The following FRMD5 variants were observed in gnomAD, a reference collection of about 807,000 sequenced individuals.
FRMD5 encodes the protein FERM domain containing 5, also known as FERM domain-containing protein 5.
Under a neutral mutation model 69.0 loss-of-function variants are expected in FRMD5, and 20 were observed. That is an observed-to-expected ratio of 0.29 (90% CI 0.20 to 0.42). FRMD5 has a LOEUF of 0.42. Among genes scored for constraint, FRMD5 ranks in the 10% least tolerant of loss-of-function variants. FRMD5 has a pLI of 1.00. For missense variants in FRMD5, 595 were observed against 708.6 expected, an observed-to-expected ratio of 0.84 and a Z score of 1.82; for synonymous variants, 271 against 260.1, an observed-to-expected ratio of 1.04 and a Z score of -0.40.
At chr15:43,997,706 C>T (rs1890000039) in intron 1 of FRMD5, among the ~76,000 whole-genome samples, 1 of 152,088 alleles carries the variant, frequency 6.6e-6, no homozygotes, top group Admixed American at 6.6e-5. Flanking sequence ...ATAATCTAGA[C>T]AATGCTTGCA....
At chr15:44,095,761 A>C (rs2076542715) in intron 1 of FRMD5, among the ~76,000 whole-genome samples, 1 of 152,176 alleles carries the variant, frequency 6.6e-6, no homozygotes, top group Non-Finnish European at 1.5e-5. Flanking sequence ...ACTAAGATAA[A>C]GGAACTGCTC....
At position 44,033,492 on chromosome 15, in the gene FRMD5, T is replaced by C. The variant is rs559622688; in HGVS notation, c.103-109183A>G. 2.6e-5 allele frequency among the ~76,000 whole-genome samples: 4 copies of C among 152,344 alleles called. No homozygotes were observed. The South Asian group carries it at 8.3e-4, about 32-fold the overall frequency. On this transcript the variant is annotated intron_variant, in intron 1 of 13. Transcript: ENST00000417257. ...AAATAATAGTTTTTGTTCAAGTCTCTTTTTTGATATAGCATAAATGAACTT... is the reference window on the plus strand; with the variant it reads ...AAATAATAGTTTTTGTTCAAGTCTCCTTTTTGATATAGCATAAATGAACTT...
chr15:44,194,471 A>G (rs2078249678), intron 1 of FRMD5: 1 of 214,730 alleles, frequency 4.7e-6, no homozygotes, highest in African/African-American at 2.4e-5. Flanking sequence ...CTGACTCACA[A>G]ATGGTGGGGG....
At chr15:44,002,761 G>C (rs1001451495) in intron 1 of FRMD5, among the ~76,000 whole-genome samples, 2 of 152,112 alleles carry the variant, frequency 1.3e-5, no homozygotes, top group African/African-American at 4.8e-5. Flanking sequence ...CCCAGGGTGC[G>C]GCGCGGGGCT....
At chr15:43,896,765 G>A (rs1284108694) in intron 7 of FRMD5, among the ~76,000 whole-genome samples, 1 of 152,188 alleles carries the variant, frequency 6.6e-6, no homozygotes, top group African/African-American at 2.4e-5. Flanking sequence ...GGGTCATACT[G>A]TGCCCTCTCT....
intron 1 of FRMD5, among the ~76,000 whole-genome samples, chr15:43,927,612 T>C (rs1278449538): frequency 6.6e-6 from 1 of 152,232 alleles, no homozygotes; most frequent in Non-Finnish European, 1.5e-5. Flanking sequence ...TATCCTATAC[T>C]ATTATCTCTC....
chr15:44,049,982 G>A (rs1303888554), intron 1 of FRMD5, among the ~76,000 whole-genome samples: 1 of 151,928 alleles, frequency 6.6e-6, no homozygotes, highest in East Asian at 1.9e-4. Context: ...TAATCTTCTT[G>A]TGGGCAGGAT....
At chr15:44,190,989 G>C (rs758504935) in intron 1 of FRMD5, among the ~76,000 whole-genome samples, 10 of 152,282 alleles carry the variant, frequency 6.6e-5, no homozygotes, top group Non-Finnish European at 1.2e-4. Flanking sequence ...CAGCTACTAA[G>C]TGGTTGAGCC....
intron 1 of FRMD5, among the ~76,000 whole-genome samples, chr15:44,132,000 CAGTAGG>C (rs2077106582): frequency 6.6e-6 from 1 of 152,044 alleles, no homozygotes; most frequent in Admixed American, 6.6e-5. Context: ...TATGTAGAAG[CAGTAGG>C]AGCCCTGAGG....
At chr15:44,133,473 G>A (rs1236366605) in intron 1 of FRMD5, among the ~76,000 whole-genome samples, 1 of 148,444 alleles carries the variant, frequency 6.7e-6, no homozygotes, top group East Asian at 2.1e-4. Flanking sequence ...CTACTTGGGA[G>A]GCTGAGGCAG....
intron 1 of FRMD5, among the ~76,000 whole-genome samples, chr15:44,172,350 G>A (rs1164348627): frequency 6.7e-6 from 1 of 150,110 alleles, no homozygotes; most frequent in African/African-American, 2.5e-5. Flanking sequence ...CTGGACTCAA[G>A]CCATCCTCCT....
intron 1 of FRMD5, among the ~76,000 whole-genome samples, chr15:43,955,482 A>G (rs1462521302): frequency 6.6e-6 from 1 of 152,234 alleles, no homozygotes; most frequent in Non-Finnish European, 1.5e-5. Context: ...AGTTATCACA[A>G]GGGATTTCTT....
Position 43,908,951 on chromosome 15 carries a change from C to A in FRMD5, c.427+931G>T, listed in dbSNP as rs534715024. 3.3e-5 allele frequency among the ~76,000 whole-genome samples: 5 copies of A among 152,298 alleles called. 1 individual carries two copies. The South Asian group carries it at 6.2e-4, about 19-fold the overall frequency. ...GGGGAAAAAATCAAGTCTGATTACA[C>A]TCCAGAGTCTCAGGGACTTTATCAA... On this transcript the variant is annotated intron_variant, in intron 5 of 13. Transcript: ENST00000417257.
At chr15:44,193,694 G>T (rs1042477323) in intron 1 of FRMD5, among the ~76,000 whole-genome samples, 13 of 152,202 alleles carry the variant, frequency 8.5e-5, no homozygotes, top group African/African-American at 3.1e-4. Context: ...TCGAGGGGAG[G>T]GAGAAAAGGG....
At chr15:43,955,057 G>C (rs1301655760) in intron 1 of FRMD5, among the ~76,000 whole-genome samples, 1 of 152,196 alleles carries the variant, frequency 6.6e-6, no homozygotes, top group East Asian at 1.9e-4. Context: ...GTTTATGTGA[G>C]TAAATTTATT....
At chr15:43,926,542 C>T (rs2089589126) in intron 1 of FRMD5, among the ~76,000 whole-genome samples, 1 of 152,158 alleles carries the variant, frequency 6.6e-6, no homozygotes, top group African/African-American at 2.4e-5. Flanking sequence ...GTTTACACCT[C>T]ACCTCTTCCC....
In FRMD5 at chr15:43,912,538, C is replaced by T. The variant is rs540427256; in HGVS notation, c.330-2559G>A. ...TCCCTGGGCCTGGATTCACGCATCACGTCTTCCATGTTTCTCTGCTTGTCT... is the reference window on the plus strand; with the variant it reads ...TCCCTGGGCCTGGATTCACGCATCATGTCTTCCATGTTTCTCTGCTTGTCT... On this transcript the variant is annotated intron_variant, in intron 4 of 13. Coordinates refer to ENST00000417257, the MANE Select transcript of FRMD5 (RefSeq NM_032892.5). Among the ~76,000 whole-genome samples the T allele has an allele frequency of 3.4e-4, 52 of 152,054 alleles. 1 individual carries two copies. Among genetic ancestry groups the T allele is most frequent in the South Asian group, 3.1e-3 (15 of 4,814 alleles).
chr15:44,063,638 TG>T, intron 1 of FRMD5: 1 of 484,588 alleles, frequency 2.1e-6, no homozygotes, highest in Non-Finnish European at 4.0e-6. Flanking sequence ...CTCAACTACA[TG>T]GTCTACATGT....
chr15:43,881,566 G>A (rs145701289), intron 13 of FRMD5, among the ~76,000 whole-genome samples: 1 of 152,302 alleles, frequency 6.6e-6, no homozygotes, highest in East Asian at 1.9e-4. Context: ...TACAGAAAGT[G>A]CATGGCAGAG....
Sources: gnomAD v4.1 joint callset for allele counts (sites outside exome capture counted in the v4.1 genomes callset) on GRCh38, gnomAD v4.1.1 for gene constraint, MANE v1.5 for transcripts, NCBI Gene and HGNC (gene_info 2026-07-23, HGNC 2026-07-21) for gene names.